The following SPATA16 variants were observed in gnomAD, a reference collection of about 807,000 sequenced individuals.
The protein encoded by SPATA16 is spermatogenesis associated 16.
Under a neutral mutation model 63.3 loss-of-function variants are expected in SPATA16, and 36 were observed. The observed-to-expected ratio is 0.57, with a 90% confidence interval of 0.44 to 0.75. The LOEUF is 0.75. Among genes scored for constraint, SPATA16 ranks in the 30% least tolerant of loss-of-function variants. SPATA16 has a pLI of 0.00. For missense variants in SPATA16, 646 were observed against 679.3 expected (o/e 0.95, Z 0.54); for synonymous variants, 203 against 216.7 (o/e 0.94, Z 0.56).
intron 2 of SPATA16, among the ~76,000 whole-genome samples, chr3:173,082,678 G>T (rs1229261149): frequency 6.6e-6 from 1 of 152,162 alleles, no homozygotes; most frequent in Non-Finnish European, 1.5e-5. Context: ...CTCCAGATGG[G>T]CATGCCAGGA....
intron 3 of SPATA16, among the ~76,000 whole-genome samples, chr3:173,019,939 T>C (rs1366372078): frequency 6.6e-6 from 1 of 151,926 alleles, no homozygotes; most frequent in Non-Finnish European, 1.5e-5. Context: ...AGGTTATTTA[T>C]GGTATGTCTA....
At chr3:173,120,746 C>T (rs1286279799) in intron 1 of SPATA16, among the ~76,000 whole-genome samples, 2 of 152,144 alleles carry the variant, frequency 1.3e-5, no homozygotes, top group Admixed American at 6.5e-5. Flanking sequence ...CTTTCCTCTG[C>T]CTATTTTCCT....
intron 4 of SPATA16, among the ~76,000 whole-genome samples, chr3:172,987,845 C>A (rs1416388051): frequency 2.0e-5 from 3 of 152,130 alleles, no homozygotes; most frequent in Non-Finnish European, 4.4e-5. Flanking sequence ...TTGTTACTCT[C>A]TAGAAGTAAA....
At chr3:173,114,924 G>A (rs1173593837) in intron 2 of SPATA16, among the ~76,000 whole-genome samples, 1 of 152,166 alleles carries the variant, frequency 6.6e-6, no homozygotes, top group Non-Finnish European at 1.5e-5. Context: ...TTCTAGCTAA[G>A]ATTTCAAAGT....
intron 5 of SPATA16, among the ~76,000 whole-genome samples, chr3:172,958,813 C>T (rs1733668842): frequency 6.6e-6 from 1 of 151,914 alleles, no homozygotes; most frequent in Non-Finnish European, 1.5e-5. Flanking sequence ...GTTCTAATTT[C>T]CTCTTTTTAT....
chr3:173,097,123 C>T (rs1048454999), intron 2 of SPATA16, among the ~76,000 whole-genome samples: 2 of 152,034 alleles, frequency 1.3e-5, no homozygotes, highest in Admixed American at 1.3e-4. Context: ...ACCGTTTTGC[C>T]TTATCATTCC....
At chr3:173,073,567 T>C (rs1223280149) in intron 2 of SPATA16, among the ~76,000 whole-genome samples, 1 of 152,190 alleles carries the variant, frequency 6.6e-6, no homozygotes, top group East Asian at 1.9e-4. Context: ...GTTGAGCCTG[T>C]GGGTTGCACA....
chr3:172,936,254 A>G (rs1407050725), intron 6 of SPATA16, among the ~76,000 whole-genome samples: 1 of 152,200 alleles, frequency 6.6e-6, no homozygotes, highest in Non-Finnish European at 1.5e-5. Context: ...CAGGGAGGAA[A>G]TAGGGAGTAA....
chr3:173,140,478 C>A (rs936051644), intron 1 of SPATA16, among the ~76,000 whole-genome samples: 5 of 152,206 alleles, frequency 3.3e-5, no homozygotes, highest in African/African-American at 4.8e-5. Context: ...CTCATTCATA[C>A]AGCAAACATT....
At chr3:173,036,221 TA>T (rs1735712400) in intron 3 of SPATA16, among the ~76,000 whole-genome samples, 1 of 152,050 alleles carries the variant, frequency 6.6e-6, no homozygotes, top group Non-Finnish European at 1.5e-5. Context: ...AGACATTTTC[TA>T]AAAAATGAAA....
chr3:172,941,932 C>T (rs4266222), intron 6 of SPATA16, among the ~76,000 whole-genome samples: 14,851 of 151,702 alleles, frequency 0.098, 2,344 homozygotes, highest in African/African-American at 0.33. Flanking sequence ...AATCATGAAA[C>T]TACGATTTTG....
intron 4 of SPATA16, among the ~76,000 whole-genome samples, chr3:173,013,301 C>T (rs1316042627): frequency 6.6e-6 from 1 of 152,124 alleles, no homozygotes; most frequent in Non-Finnish European, 1.5e-5. Context: ...AAAGAGAATG[C>T]TTATCCACTC....
At chr3:173,083,780 G>C (rs770400400) in intron 2 of SPATA16, among the ~76,000 whole-genome samples, 8 of 152,078 alleles carry the variant, frequency 5.3e-5, no homozygotes, top group Non-Finnish European at 1.0e-4. Flanking sequence ...GAGAATAATG[G>C]CTTCCAGCTC....
intron 2 of SPATA16, among the ~76,000 whole-genome samples, chr3:173,079,584 A>G (rs758150079): frequency 2.6e-5 from 4 of 152,100 alleles, no homozygotes; most frequent in Non-Finnish European, 4.4e-5. Flanking sequence ...TGGCAACTTT[A>G]TTTTTTATTT....
At chr3:173,025,667 G>A (rs193035661) in intron 3 of SPATA16, among the ~76,000 whole-genome samples, 123 of 151,838 alleles carry the variant, frequency 8.1e-4, no homozygotes, top group Middle Eastern at 3.4e-3. Context: ...CAAATTTATA[G>A]TTTTACCTTC....
At chr3:173,140,647 C>T (rs1366464570) in intron 1 of SPATA16, among the ~76,000 whole-genome samples, 4 of 152,182 alleles carry the variant, frequency 2.6e-5, no homozygotes, top group Admixed American at 2.0e-4. Flanking sequence ...AAGGAGACAA[C>T]AACCCGTATC....
At chr3:173,101,107 C>CT (rs1339302513) in intron 2 of SPATA16, among the ~76,000 whole-genome samples, 2 of 152,112 alleles carry the variant, frequency 1.3e-5, no homozygotes, top group Non-Finnish European at 2.9e-5. Context: ...AGACTCCTTT[C>CT]TTTTTTTCCT....
At chr3:172,935,359 A>G (rs1325805370) in intron 6 of SPATA16, among the ~76,000 whole-genome samples, 1 of 152,214 alleles carries the variant, frequency 6.6e-6, no homozygotes, top group Non-Finnish European at 1.5e-5. Context: ...ACAACAAACC[A>G]TGTAAGATTA....
chr3:173,098,277 C>T (rs1171009471), intron 2 of SPATA16, among the ~76,000 whole-genome samples: 2 of 152,164 alleles, frequency 1.3e-5, no homozygotes, highest in Non-Finnish European at 2.9e-5. Flanking sequence ...CCATATACCA[C>T]CTCATTCTTT....
Sources: gnomAD v4.1 joint callset for allele counts (sites outside exome capture counted in the v4.1 genomes callset) on GRCh38, gnomAD v4.1.1 for gene constraint, MANE v1.5 for transcripts, NCBI Gene and HGNC (gene_info 2026-07-23, HGNC 2026-07-21) for gene names.